The following RTKN2 variants were observed in gnomAD, a reference collection of about 807,000 sequenced individuals.
RTKN2 encodes the protein rhotekin-2.
In RTKN2, 69 loss-of-function variants were observed where a neutral mutation model predicts 71.5. The ratio of observed to expected loss-of-function variants is 0.96; its 90% CI spans 0.79 to 1.18. The LOEUF is 1.18. Among genes scored for constraint, RTKN2 ranks in the 50% most tolerant of loss-of-function variants. The pLI is 0.00. For missense variants in RTKN2, 724 were observed against 719.7 expected, an observed-to-expected ratio of 1.01 and a Z score of -0.07; for synonymous variants, 236 against 236.5, an observed-to-expected ratio of 1.00 and a Z score of 0.02.
intron 7 of RTKN2, 141 bp from the exon 8 acceptor site, chr10:62,218,442 A>G: frequency 3.5e-6 from 2 of 570,960 alleles, no homozygotes; most frequent in Non-Finnish European, 6.1e-6. Flanking sequence ...TCATGTAAAG[A>G]TTCATCCTAC....
At chr10:62,226,886 G>A (rs1270481966) in intron 6 of RTKN2, among the ~76,000 whole-genome samples, 7 of 152,130 alleles carry the variant, frequency 4.6e-5, no homozygotes, top group South Asian at 2.1e-4. Context: ...GCTTGAACCC[G>A]GGAGGCGGAG....
intron 10 of RTKN2, among the ~76,000 whole-genome samples, chr10:62,203,556 G>A (rs1841490536): frequency 6.6e-6 from 1 of 152,152 alleles, no homozygotes; most frequent in Non-Finnish European, 1.5e-5. Flanking sequence ...TGTTGGTCAG[G>A]CTGGTCTCAA....
chr10:62,204,916 T>C lies in RTKN2; in HGVS notation c.1127A>G (p.Asp376Gly). ...CCACTTCTGAAGATCTTCTCTATTG[T>C]CAACTGCAAAAATCTGAGTTATAGC... is the stretch of plus-strand genomic sequence containing the variant. ...GQAITQIFAV[D>G]NREDLQKWME... The change falls in exon 10 of 12, where the codon GAC becomes GGC. Residue 376 changes from aspartate (D) to glycine (G), a missense_variant. Physicochemically the swap from Asp to Gly is moderately conservative, Grantham distance 94. Coordinates refer to ENST00000373789, the MANE Select transcript of RTKN2 (RefSeq NM_145307.4). The C allele has an allele frequency of 6.2e-7, 1 of 1,602,116 alleles. No homozygotes were observed. The highest frequency in any genetic ancestry group is 8.5e-7 in the Non-Finnish European group (1 of 1,176,028).
At chr10:62,262,931 A>C (rs975300554) in intron 1 of RTKN2, 110 bp from the exon 2 acceptor site, 1 of 628,614 alleles carries the variant, frequency 1.6e-6, no homozygotes, top group Non-Finnish European at 2.7e-6. Flanking sequence ...AGAAAGCAAC[A>C]AAGTTTTAAT....
intron 8 of RTKN2, among the ~76,000 whole-genome samples, chr10:62,186,394 C>G (rs905254627): frequency 1.3e-5 from 2 of 152,240 alleles, no homozygotes; most frequent in African/African-American, 4.8e-5. Context: ...GATGAGGGAA[C>G]CTTATCTCGT....
At chr10:62,235,306 T>C (rs1842232875) in intron 6 of RTKN2, among the ~76,000 whole-genome samples, 1 of 152,138 alleles carries the variant, frequency 6.6e-6, no homozygotes, top group African/African-American at 2.4e-5. Context: ...TAGTTAAGTA[T>C]GATAATGATA....
intron 4 of RTKN2, among the ~76,000 whole-genome samples, chr10:62,240,373 T>A (rs180993187): frequency 6.6e-6 from 1 of 152,184 alleles, no homozygotes; most frequent in Admixed American, 6.5e-5. Context: ...ATCCTCATTA[T>A]TGAGAAAATG....
At chr10:62,211,395 CA>C (rs796084998) in intron 9 of RTKN2, among the ~76,000 whole-genome samples, 16 of 152,254 alleles carry the variant, frequency 1.1e-4, no homozygotes, top group African/African-American at 3.6e-4. Context: ...CTTAGCCTTA[CA>C]AGAAATGCCA....
Position 62,252,314 on chromosome 10 carries a change from A to G in RTKN2, c.258-6257T>C, listed in dbSNP as rs556370425. Among the ~76,000 whole-genome samples, 9 of 152,236 alleles carry G rather than the reference A, an allele frequency of 5.9e-5. 1 individual carries two copies. In the South Asian group the frequency reaches 1.5e-3, roughly 25 times the overall value. On this transcript the variant is annotated intron_variant, in intron 2 of 11. Transcript: ENST00000373789. ...AGCAAAGTCTTCACAAAACTCAAGG[A>G]AAGAATGTGTTGGCTAAGGAATTTA... is the stretch of plus-strand genomic sequence containing the variant.
Position 62,222,941 on chromosome 10 carries a change from A to G in RTKN2, c.781+297T>C, listed in dbSNP as rs148095347. On this transcript the variant is annotated intron_variant, in intron 7 of 11. Coordinates refer to ENST00000373789, the MANE Select transcript of RTKN2 (RefSeq NM_145307.4). Reference sequence around the variant, plus strand: ...TTCCTTGATTTCAAATTTAAAAATAAGTCAGGTCTTTAATTTCCAGCTAGA... The same window carrying G: ...TTCCTTGATTTCAAATTTAAAAATAGGTCAGGTCTTTAATTTCCAGCTAGA... Among the ~76,000 whole-genome samples the G allele has an allele frequency of 5.9e-5, 9 of 152,344 alleles. No homozygotes were observed. The East Asian group carries it at 1.7e-3, about 29-fold the overall frequency.
At chr10:62,235,329 T>C (rs1384250589) in intron 6 of RTKN2, among the ~76,000 whole-genome samples, 4 of 152,134 alleles carry the variant, frequency 2.6e-5, no homozygotes, top group African/African-American at 9.6e-5. Flanking sequence ...GTGGTTTTGT[T>C]AAAAAGAGAT....
In RTKN2 at chr10:62,194,139, T is replaced by G; in HGVS notation, c.*3769A>C. The G allele has an allele frequency of 2.0e-6, 2 of 977,058 alleles. No homozygotes were observed. Among genetic ancestry groups the G allele is most frequent in the Non-Finnish European group, 2.4e-6 (2 of 822,370 alleles). The allele number at this position is 977,058 out of a possible 1,614,324, so 60.5% of individuals were successfully genotyped here. A position where few individuals can be genotyped will look rare whatever the true frequency, so the allele number is the denominator to read the frequency against. On this transcript the variant is annotated 3_prime_UTR_variant, in exon 12 of 12. Coordinates refer to ENST00000373789, the MANE Select transcript of RTKN2 (RefSeq NM_145307.4). ...CAAAAGTCTGACCCATATTAAAAAATAAAAATTATAAACAAAGCCAATTAC... is the reference window on the plus strand; with the variant it reads ...CAAAAGTCTGACCCATATTAAAAAAGAAAAATTATAAACAAAGCCAATTAC...
downstream of RTKN2, among the ~76,000 whole-genome samples, chr10:62,189,852 C>CTTTTTT (rs34781086): frequency 6.8e-6 from 1 of 146,290 alleles, no homozygotes; most frequent in Non-Finnish European, 1.5e-5. Flanking sequence ...ATTCACCCAC[C>CTTTTTT]TTTTTTTTTT....
At chr10:62,241,003 C>G (rs906003505) in intron 4 of RTKN2, 139 bp downstream of exon 4, 8 of 563,388 alleles carry the variant, frequency 1.4e-5, no homozygotes, top group African/African-American at 3.8e-5. Context: ...TATTAAAAAT[C>G]AGAAAACAGT....
At chr10:62,228,552 GGATA>G (rs1409583246) in intron 6 of RTKN2, among the ~76,000 whole-genome samples, 4 of 152,242 alleles carry the variant, frequency 2.6e-5, no homozygotes, top group East Asian at 1.9e-4. Flanking sequence ...TTTCCATGAA[GGATA>G]GTTATGAAAT....
rs779695465 is a variant in RTKN2, at chr10:62,198,072, T to C, written c.1666A>G (p.Met556Val). 1.1e-5 allele frequency: 18 copies of C among 1,614,100 alleles called. No homozygotes were observed. Among genetic ancestry groups the C allele is most frequent in the Middle Eastern group, 1.6e-4 (1 of 6,062 alleles). Residue 556 changes from methionine (M) to valine (V), a missense_variant, in exon 12 of 12, where the codon ATG (methionine) becomes GTG (valine). Coordinates refer to ENST00000373789, the MANE Select transcript of RTKN2 (RefSeq NM_145307.4). ...STLMHHLQKP[M>V]AAPRKLLPAR... ...GGCAGAAGTTTTCGAGGAGCAGCCA[T>C]TGGTTTCTGTAAGTGATGCATTAGA...
chr10:62,244,691 T>C (rs1842445090), intron 3 of RTKN2, among the ~76,000 whole-genome samples: 1 of 152,174 alleles, frequency 6.6e-6, no homozygotes, highest in South Asian at 2.1e-4. Flanking sequence ...TAAAAATACA[T>C]GTTTGATAGC....
At chr10:62,189,852 C>CT (rs34781086), downstream of RTKN2, among the ~76,000 whole-genome samples, 46,359 of 146,162 alleles carry the variant, frequency 0.32, 7,936 homozygotes, top group African/African-American at 0.47. Flanking sequence ...ATTCACCCAC[C>CT]TTTTTTTTTT....
In RTKN2 at chr10:62,251,387, A is replaced by G. The variant is rs556000270; in HGVS notation, c.258-5330T>C. 2.6e-5 allele frequency among the ~76,000 whole-genome samples: 4 copies of G among 152,324 alleles called. No individual in the cohort carries two copies. In the South Asian group the frequency reaches 8.3e-4, roughly 32 times the overall value. ...GTATAGGAAAAAACATAGTGTGCATAGGGCTTAGTATTATCTGTGGTTTCA... is the reference window on the plus strand; with the variant it reads ...GTATAGGAAAAAACATAGTGTGCATGGGGCTTAGTATTATCTGTGGTTTCA... On this transcript the variant is annotated intron_variant, in intron 2 of 11. Coordinates refer to ENST00000373789, the MANE Select transcript of RTKN2 (RefSeq NM_145307.4).
Sources: allele counts gnomAD v4.1 joint callset (sites outside exome capture counted in the v4.1 genomes callset), GRCh38; gene constraint gnomAD v4.1.1; transcripts MANE v1.5; gene names NCBI Gene and HGNC (gene_info 2026-07-23, HGNC 2026-07-21).